NBPF14: variants seen among roughly 807,000 people sequenced by gnomAD.
NBPF14 encodes the protein NBPF member 14, also known as NBPF family member NBPF14.
A neutral mutation model predicts 91.2 loss-of-function variants in NBPF14; 104 were observed. The ratio of observed to expected loss-of-function variants is 1.14; its 90% CI spans 0.97 to 1.34. NBPF14 has a LOEUF of 1.34. Ranked by LOEUF, NBPF14 falls within the 40% of genes most tolerant of loss-of-function variation. NBPF14 has a pLI of 0.00. For missense variants in NBPF14, 908 were observed against 783.0 expected (o/e 1.16, Z -1.91); for synonymous variants, 294 against 303.8 (o/e 0.97, Z 0.34).
rs1281493334 is a variant in NBPF14, at chr1:148,534,327, T to C, written c.8614+357A>G. Among the ~76,000 whole-genome samples, 5 of 151,838 alleles carry C rather than the reference T, an allele frequency of 3.3e-5. 1 individual carries two copies. Among genetic ancestry groups the C allele is most frequent in the Admixed American group, 2.6e-4 (4 of 15,126 alleles). ...CCTGTCTCATCAAATACTCAGATTGTTCATGGTAGTGAGGACTCCAGACAC... is the reference window on the plus strand; with the variant it reads ...CCTGTCTCATCAAATACTCAGATTGCTCATGGTAGTGAGGACTCCAGACAC... On this transcript the variant is annotated intron_variant, in intron 69 of 70. Coordinates refer to ENST00000619423, the Ensembl canonical transcript of NBPF14.
chr1:148,560,188 A>T (rs1657536200), intron 36 of NBPF14, among the ~76,000 whole-genome samples: 3 of 151,322 alleles, frequency 2.0e-5, no homozygotes, highest in African/African-American at 4.9e-5. Context: ...AGACAGAGAC[A>T]GAGACAGAGA....
chr1:148,534,497 C>T lies in NBPF14; in HGVS notation c.8614+187G>A, dbSNP rs1432127104. On this transcript the variant is annotated intron_variant, in intron 69 of 70. Coordinates refer to ENST00000619423, the Ensembl canonical transcript of NBPF14. Reference sequence around the variant, plus strand: ...GCCTGAGACTAGGAAGAGAGTCTTGCTCACTGACCCATTTCATGTCTAGGC... The same window carrying T: ...GCCTGAGACTAGGAAGAGAGTCTTGTTCACTGACCCATTTCATGTCTAGGC... Among the ~76,000 whole-genome samples, 65 of 151,912 alleles carry T rather than the reference C, an allele frequency of 4.3e-4. 1 individual carries two copies. The highest frequency in any genetic ancestry group is 1.5e-3 in the African/African-American group (64 of 41,344).
At chr1:148,577,516 G>T (rs1440951770) in intron 14 of NBPF14, among the ~76,000 whole-genome samples, 161 bp from the exon 15 acceptor site, 67 of 150,102 alleles carry the variant, frequency 4.5e-4, no homozygotes, top group African/African-American at 1.6e-3. Flanking sequence ...ATAGACTATG[G>T]CCAGGTAGAA....
At chr1:148,560,225 T>C (rs1570947885) in intron 36 of NBPF14, among the ~76,000 whole-genome samples, 1 of 150,710 alleles carries the variant, frequency 6.6e-6, no homozygotes, top group Admixed American at 6.6e-5. Flanking sequence ...ATTGGCCAGG[T>C]GACATACTGG....
chr1:148,571,238 C>T (rs1219132125), intron 22 of NBPF14, among the ~76,000 whole-genome samples: 1 of 77,752 alleles, frequency 1.3e-5, no homozygotes, highest in Non-Finnish European at 2.2e-5. Context: ...CAGATAGACA[C>T]ACACACACAC....
intron 2 of NBPF14, among the ~76,000 whole-genome samples, chr1:148,595,164 T>G (rs1663106742): frequency 1.4e-5 from 2 of 146,504 alleles, no homozygotes; most frequent in South Asian, 4.5e-4. Context: ...TTGAACTGAA[T>G]AAAAGTTCAC....
intron 6 of NBPF14, among the ~76,000 whole-genome samples, chr1:148,589,960 G>C (rs1662181271): frequency 1.4e-5 from 2 of 147,222 alleles, no homozygotes; most frequent in Admixed American, 1.4e-4. Flanking sequence ...TCGAACTCCT[G>C]AGCTCAGGTG....
Position 148,578,015 on chromosome 1 carries a change from C to G in NBPF14, c.1821G>C (p.Val607=), listed in dbSNP as rs2149540718. ...CTGTTGCCTCTTGGTCCTCCTTTTT[C>G]ACTTGATCCCACCGATGTCCTGCAA... is the stretch of plus-strand genomic sequence containing the variant. Residue 607 remains valine (V), a synonymous_variant, in exon 14 of 71, where the codon GTG becomes GTC. Coordinates refer to ENST00000619423, the Ensembl canonical transcript of NBPF14. 1.9e-5 allele frequency: 13 copies of G among 681,268 alleles called. No individual in the cohort carries two copies. The South Asian group carries it at 2.1e-4, about 11-fold the overall frequency. The allele number at this position is 681,268 out of a possible 1,614,324, so 42.2% of individuals were successfully genotyped here.
chr1:148,566,478 C>A (rs1215202054), intron 28 of NBPF14, among the ~76,000 whole-genome samples, 163 bp from the exon 29 acceptor site: 2 of 139,330 alleles, frequency 1.4e-5, no homozygotes, highest in Admixed American at 7.1e-5. Context: ...CAGAACAGGG[C>A]CAAATGGAAA....
exon 69 of NBPF14, chr1:148,534,849 T>A (rs1237716534): frequency 1.4e-5 from 14 of 1,016,976 alleles, no homozygotes; most frequent in Non-Finnish European, 2.2e-5. Context: ...AGCAGCTCCC[T>A]GCTGAGCCTG....
In NBPF14 at chr1:148,559,849, C is replaced by A; in HGVS notation, c.4673G>T (p.Arg1558Ile). 2.6e-6 allele frequency: 4 copies of A among 1,524,654 alleles called. 1 individual carries two copies. The highest frequency in any genetic ancestry group is 3.5e-6 in the Non-Finnish European group (4 of 1,138,120). The allele number at this position is 1,524,654 out of a possible 1,614,324, so 94.4% of individuals were successfully genotyped here. A position where few individuals can be genotyped will look rare whatever the true frequency, so the allele number is the denominator to read the frequency against. ...CTGCTCCAATATGTAAAAGGCACTT[C>A]TATAGGGCTGGCATGAGTCAGTCAG... is the stretch of plus-strand genomic sequence containing the variant. Residue 1558 changes from arginine to isoleucine, a missense_variant, in exon 37 of 71, where the codon AGA becomes ATA. Around this residue, in one of 13 missense-constraint regions of NBPF14, gnomAD observed 447 missense variants for 189.1 expected, o/e 2.36. Transcript: ENST00000619423.
chr1:148,592,690 C>A, exon 4 of NBPF14: 1 of 1,588,408 alleles, frequency 6.3e-7, no homozygotes, highest in East Asian at 2.2e-5. Context: ...GAGCGGGAGG[C>A]ATCTCTCCCT....
At chr1:148,592,948 C>G (rs1422798933) in intron 3 of NBPF14, among the ~76,000 whole-genome samples, 182 bp from the exon 4 acceptor site, 5 of 132,818 alleles carry the variant, frequency 3.8e-5, no homozygotes, top group African/African-American at 5.7e-5. Context: ...GGCTTTCCCT[C>G]TATCAGAGAG....
In NBPF14 at chr1:148,534,025, A is replaced by G; in HGVS notation, c.8615-56T>C. ...TTAAGCTGATTCCCCTACACACATAACAATCCACTGTCTAATCCTCACACA... is the reference window on the plus strand; with the variant it reads ...TTAAGCTGATTCCCCTACACACATAGCAATCCACTGTCTAATCCTCACACA... On this transcript the variant is annotated intron_variant, in intron 69 of 70. Transcript: ENST00000619423. The G allele has an allele frequency of 4.5e-6, 3 of 663,378 alleles. No individual in the cohort carries two copies. The South Asian group carries it at 5.0e-5, about 11-fold the overall frequency. The allele number at this position is 663,378 out of a possible 1,614,324, so 41.1% of individuals were successfully genotyped here.
rs1465354618 is a variant in NBPF14 at position 148,559,922 on chromosome 1, G to C, written c.4600C>G (p.Gln1534Glu). The C allele has an allele frequency of 1.3e-5, 17 of 1,345,012 alleles. 1 individual carries two copies. Among genetic ancestry groups the C allele is most frequent in the Non-Finnish European group, 1.5e-5 (15 of 972,500 alleles). The allele number at this position is 1,345,012 out of a possible 1,614,324, so 83.3% of individuals were successfully genotyped here. ...GAATAACATCTATCCAGTGAGTCCT[G>C]CAAGACTTCAGGCCCTTTCTCATGC... The change falls in exon 37 of 71, where the codon CAG becomes GAG. Residue 1534 changes from glutamine to glutamate, a missense_variant. Gln to Glu is a conservative substitution (Grantham distance 29). Coordinates refer to ENST00000619423, the Ensembl canonical transcript of NBPF14.
chr1:148,534,774 A>G (rs1570903333), exon 69 of NBPF14: 2 of 838,554 alleles, frequency 2.4e-6, no homozygotes, highest in Admixed American at 3.5e-5. Context: ...AGTTCAAGAT[A>G]ACCTGAAGGA....
chr1:148,535,227 C>A (rs1462680499), intron 68 of NBPF14, among the ~76,000 whole-genome samples: 6 of 150,166 alleles, frequency 4.0e-5, no homozygotes, highest in Non-Finnish European at 7.4e-5. Context: ...CATACAGTTG[C>A]CATACAGCCT....
chr1:148,579,831 C>T (rs1660629259), intron 12 of NBPF14, among the ~76,000 whole-genome samples: 1 of 152,114 alleles, frequency 6.6e-6, no homozygotes, highest in Non-Finnish European at 1.5e-5. Context: ...TTCCAGCAAA[C>T]TCCAACAGAC....
rs1432132761 is a variant in NBPF14, at chr1:148,542,161, G to A, written c.7376-322C>T. Among the ~76,000 whole-genome samples the A allele has an allele frequency of 1.9e-5, 2 of 104,756 alleles. 1 individual carries two copies. The highest frequency in any genetic ancestry group is 3.4e-5 in the Non-Finnish European group (2 of 59,148). The allele number at this position is 104,756 out of a possible 152,430, so 68.7% of individuals were successfully genotyped here. On this transcript the variant is annotated intron_variant, in intron 59 of 70. Coordinates refer to ENST00000619423, the Ensembl canonical transcript of NBPF14. ...TCAAATGATTTCTAGGAGAAAAACT[G>A]CAATATTTAGCCCTGTCTCAACAAA... is the stretch of plus-strand genomic sequence containing the variant.
Sources: gnomAD v4.1 joint callset for allele counts (sites outside exome capture counted in the v4.1 genomes callset) on GRCh38, gnomAD v4.1.1 for gene constraint, gnomAD v4.1.1 regional missense constraint, MANE v1.5 for transcripts, NCBI Gene and HGNC (gene_info 2026-07-23, HGNC 2026-07-21) for gene names.